MTOR: variants seen among roughly 807,000 people sequenced by gnomAD.
The protein encoded by MTOR is serine/threonine-protein kinase mTOR.
A neutral mutation model predicts 319.8 loss-of-function variants in MTOR; 70 were observed. The observed-to-expected ratio is 0.22, with a 90% CI of 0.18 to 0.27. The LOEUF (loss-of-function observed/expected upper bound fraction) is 0.27. Ranked by LOEUF, MTOR falls within the 10% of genes least tolerant of loss-of-function variation. The pLI is 1.00. For missense variants in MTOR, 1,890 were observed against 3,274.4 expected (o/e 0.58, Z 10.32); for synonymous variants, 1,183 against 1,211.4 (o/e 0.98, Z 0.49).
chr1:11,138,340 G>A (rs1344394846), intron 36 of MTOR, among the ~76,000 whole-genome samples: 4 of 152,158 alleles, frequency 2.6e-5, no homozygotes, highest in Non-Finnish European at 5.9e-5. Context: ...AAATCTCCAA[G>A]CTGCATATTT....
intron 34 of MTOR, chr1:11,144,393 C>T (rs564814376): frequency 1.0e-3 from 421 of 414,464 alleles, no homozygotes; most frequent in Non-Finnish European, 1.6e-3. Flanking sequence ...TCACAGGTGT[C>T]ACTTACTAAA....
At position 11,247,821 on chromosome 1, in the gene MTOR, G is replaced by C. The variant is rs1054582075; in HGVS notation, c.1114C>G (p.Gln372Glu). The change falls in exon 7 of 58, where the codon CAG becomes GAG. Residue 372 changes from glutamine (Q) to glutamate (E), a missense_variant and splice_region_variant. By Grantham distance (29) the Gln-to-Glu change is conservative (BLOSUM62 2). Around this residue, in one of 15 missense-constraint regions of MTOR, gnomAD observed 418 missense variants for 543.1 expected, o/e 0.77. Transcript: ENST00000361445. Reference sequence around the variant, plus strand: ...GGAAAGGGCCTCTCACCACTTACCTGATCAAATTTCTCCTCCATCAAGTCT... The same window carrying C: ...GGAAAGGGCCTCTCACCACTTACCTCATCAAATTTCTCCTCCATCAAGTCT... ...CRDLMEEKFDQVCQWVLKCRN... is the reference protein window; with the variant it reads ...CRDLMEEKFDEVCQWVLKCRN... The C allele has an allele frequency of 8.1e-6, 13 of 1,612,684 alleles. No individual in the cohort carries two copies. The highest frequency in any genetic ancestry group is 1.1e-5 in the Non-Finnish European group (13 of 1,178,992).
chr1:11,194,548 T>G, intron 28 of MTOR: 2 of 1,614,160 alleles, frequency 1.2e-6, no homozygotes, highest in Non-Finnish European at 1.7e-6. Context: ...CCTGGGGAAC[T>G]ACACTGGCAA....
chr1:11,193,503 C>T, intron 28 of MTOR: 1 of 1,339,084 alleles, frequency 7.5e-7, no homozygotes, highest in East Asian at 2.3e-5. Context: ...GGGACAGGAA[C>T]AGGTTGGGAA....
rs55844622 is a variant in MTOR, at chr1:11,192,267, T to C, written c.4253+6991A>G. 3.8e-3 allele frequency: 6,169 copies of C among 1,610,574 alleles called. 28 individuals carry two copies. Among genetic ancestry groups the C allele is most frequent in the Middle Eastern group, 6.5e-3 (39 of 5,992 alleles). ...GCTCACCCTGTGGTTTGTTCTCTTGTAGATGCCATCTACGACTGCTCTTCC... is the reference window on the plus strand; with the variant it reads ...GCTCACCCTGTGGTTTGTTCTCTTGCAGATGCCATCTACGACTGCTCTTCC... On this transcript the variant is annotated intron_variant, in intron 28 of 57. Coordinates refer to ENST00000361445, the MANE Select transcript of MTOR (RefSeq NM_004958.4).
At chr1:11,146,082 A>G (rs1643918830) in intron 32 of MTOR, among the ~76,000 whole-genome samples, 1 of 152,222 alleles carries the variant, frequency 6.6e-6, no homozygotes, top group Non-Finnish European at 1.5e-5. Flanking sequence ...TGTGCCATCA[A>G]TTAAAAACCC....
intron 29 of MTOR, among the ~76,000 whole-genome samples, chr1:11,159,806 A>C (rs1415381459): frequency 2.0e-5 from 3 of 152,196 alleles, no homozygotes; most frequent in Admixed American, 6.5e-5. Context: ...CTCCTGATCA[A>C]GGCAAACCAC....
rs553749689 is a variant in MTOR at position 11,223,062 on chromosome 1, C to A, written c.3030+5606G>T. 5.7e-4 allele frequency among the ~76,000 whole-genome samples: 86 copies of A among 152,148 alleles called. 1 individual carries two copies. The highest frequency in any genetic ancestry group is 2.0e-3 in the African/African-American group (83 of 41,538). On this transcript the variant is annotated intron_variant, in intron 19 of 57. Transcript: ENST00000361445. ...ACAGAACCTGAATCTAATCAAGCCT[C>A]TAAATCTAACTAGTTTATAGGAAAT...
Position 11,256,951 on chromosome 1 carries a change from C to G in MTOR, c.486G>C (p.Glu162Asp). The G allele has an allele frequency of 6.2e-7, 1 of 1,613,874 alleles. No homozygotes were observed. The highest frequency in any genetic ancestry group is 8.5e-7 in the Non-Finnish European group (1 of 1,179,936). ...ALEWLGADRN[E>D]GRRHAAVLVL... ...CACTCACAGCTGCATGTCTCCGGCC[C>G]TCATTGCGGTCAGCACCCAGCCATT... The change falls in exon 4 of 58, where the codon GAG becomes GAC. Residue 162 changes from glutamate (E) to aspartate (D), a missense_variant. By Grantham distance (45) the Glu-to-Asp change is conservative (BLOSUM62 2). This residue lies in a region of MTOR where 81 missense variants were observed against 203.6 expected (regional missense o/e 0.40). Coordinates refer to ENST00000361445, the MANE Select transcript of MTOR (RefSeq NM_004958.4).
intron 29 of MTOR, among the ~76,000 whole-genome samples, chr1:11,160,128 T>C (rs1022712464): frequency 1.4e-5 from 2 of 144,642 alleles, no homozygotes; most frequent in African/African-American, 5.3e-5. Context: ...GAGGCAGAGT[T>C]TCGCTCTTGT....
intron 25 of MTOR, among the ~76,000 whole-genome samples, chr1:11,208,339 G>A (rs1326569268): frequency 2.0e-5 from 3 of 152,254 alleles, no homozygotes; most frequent in Non-Finnish European, 4.4e-5. Context: ...GTTTGTGTGA[G>A]TAAAGACTCT....
At chr1:11,171,184 G>C (rs1422474984) in intron 28 of MTOR, among the ~76,000 whole-genome samples, 1 of 148,238 alleles carries the variant, frequency 6.7e-6, no homozygotes, top group African/African-American at 2.5e-5. Flanking sequence ...GACAGAGCTA[G>C]ACTCTATCTC....
At chr1:11,161,434 T>C (rs113604121) in intron 29 of MTOR, among the ~76,000 whole-genome samples, 9,013 of 152,164 alleles carry the variant, frequency 0.059, 376 homozygotes, top group South Asian at 0.12. Context: ...TTGAAGACAA[T>C]AGTGGTTCTC....
intron 28 of MTOR, among the ~76,000 whole-genome samples, chr1:11,193,192 T>C (rs769520040): frequency 1.3e-5 from 2 of 151,598 alleles, no homozygotes; most frequent in Admixed American, 1.3e-4. Context: ...TGACAGGCAC[T>C]CTGGTCCCAG....
At chr1:11,251,444 C>T (rs1441143070) in intron 6 of MTOR, among the ~76,000 whole-genome samples, 1 of 152,132 alleles carries the variant, frequency 6.6e-6, no homozygotes, top group African/African-American at 2.4e-5. Flanking sequence ...CCCTACTTTT[C>T]TCCATAGCTC....
intron 23 of MTOR, among the ~76,000 whole-genome samples, chr1:11,211,939 T>C (rs1384899097): frequency 6.6e-6 from 1 of 152,068 alleles, no homozygotes; most frequent in Non-Finnish European, 1.5e-5. Context: ...AACCAGGCCT[T>C]TATTTTATCT....
rs57005196 is a variant in MTOR, at chr1:11,222,056, G to A, written c.3031-5822C>T. On this transcript the variant is annotated intron_variant, in intron 19 of 57. Coordinates refer to ENST00000361445, the MANE Select transcript of MTOR (RefSeq NM_004958.4). ...ACCTCTGAAAAGCTGTTAGAGGCTT[G>A]ACTCATTATACTAAAAAATTGATAA... Among the ~76,000 whole-genome samples, 1,206 of 151,528 alleles carry A rather than the reference G, an allele frequency of 8.0e-3. 20 individuals carry two copies. Among genetic ancestry groups the A allele is most frequent in the African/African-American group, 0.027 (1,115 of 41,322 alleles).
intron 54 of MTOR, chr1:11,111,244 C>T (rs1038532732): frequency 3.4e-5 from 15 of 438,712 alleles, no homozygotes; most frequent in East Asian, 2.2e-4. Flanking sequence ...TTTGGGAGGC[C>T]GAGGCGGGCA....
In MTOR at chr1:11,186,008, G is replaced by A. The variant is rs144719955; in HGVS notation, c.4253+13250C>T. On this transcript the variant is annotated intron_variant, in intron 28 of 57. Coordinates refer to ENST00000361445, the MANE Select transcript of MTOR (RefSeq NM_004958.4). ...GAGGCAGGAGAATTGGCGTGAACCC[G>A]GGAGGCAGAGCTTCCAGTGAGCCAA... Among the ~76,000 whole-genome samples the A allele has an allele frequency of 4.3e-3, 641 of 150,708 alleles. 5 individuals carry two copies. The highest frequency in any genetic ancestry group is 0.015 in the African/African-American group (619 of 40,944).
Sources: allele counts gnomAD v4.1 joint callset (sites outside exome capture counted in the v4.1 genomes callset), GRCh38; gene constraint gnomAD v4.1.1; regional missense constraint gnomAD v4.1.1; transcripts MANE v1.5; gene names NCBI Gene and HGNC (gene_info 2026-07-23, HGNC 2026-07-21).